The following MTR variants were observed in gnomAD, a reference collection of about 807,000 sequenced individuals.
The protein encoded by MTR is methionine synthase.
In MTR, 84 loss-of-function variants were observed where a neutral mutation model predicts 154.8. The observed-to-expected ratio is 0.54, with a 90% CI of 0.45 to 0.65. The LOEUF is 0.65. Among genes scored for constraint, MTR ranks in the 30% least tolerant of loss-of-function variants. MTR has a pLI of 0.00. For missense variants in MTR, 1,275 were observed against 1,570.2 expected, an observed-to-expected ratio of 0.81 and a Z score of 3.18; for synonymous variants, 554 against 553.9, an observed-to-expected ratio of 1.00 and a Z score of 0.00.
rs201015844 is a variant in MTR at position 236,889,282 on chromosome 1, C to T, written c.2953C>T (p.Arg985Trp). The change falls in exon 28 of 33, where the codon CGG becomes TGG. Residue 985 changes from arginine (R) to tryptophan (W), a missense_variant. By Grantham distance (101) the Arg-to-Trp change is moderately radical (BLOSUM62 -3). Coordinates refer to ENST00000366577, the MANE Select transcript of MTR (RefSeq NM_000254.3). ...GCCTTTCTTTGATGTCTGGCAGCTCCGGGGCAAGTACCCGAATCGAGGCTT... is the reference window on the plus strand; with the variant it reads ...GCCTTTCTTTGATGTCTGGCAGCTCTGGGGCAAGTACCCGAATCGAGGCTT... ...WKPFFDVWQL[R>W]GKYPNRGFPK... 67 of 1,614,070 alleles carry T rather than the reference C, an allele frequency of 4.2e-5. No individual in the cohort carries two copies. The highest frequency in any genetic ancestry group is 1.6e-4 in the Middle Eastern group (1 of 6,084).
intron 15 of MTR, among the ~76,000 whole-genome samples, chr1:236,844,587 A>G (rs1663462173): frequency 6.6e-6 from 1 of 152,040 alleles, no homozygotes; most frequent in African/African-American, 2.4e-5. Flanking sequence ...GATAAAGGAT[A>G]CATTTGCCAG....
intron 22 of MTR, among the ~76,000 whole-genome samples, chr1:236,871,576 A>G (rs1311094653): frequency 6.6e-6 from 1 of 152,032 alleles, no homozygotes; most frequent in Admixed American, 6.6e-5. Flanking sequence ...GCAGTATGCT[A>G]TTTTTCCTAG....
At chr1:236,819,541 C>T in intron 8 of MTR, 1 of 341,960 alleles carries the variant, frequency 2.9e-6, no homozygotes, top group Non-Finnish European at 5.6e-6. Flanking sequence ...GTAGCAATTA[C>T]AAATAAATCT....
intron 32 of MTR, among the ~76,000 whole-genome samples, 192 bp downstream of exon 32, chr1:236,897,310 G>GCGCGCACACACACA: frequency 7.8e-6 from 1 of 128,610 alleles, no homozygotes. Flanking sequence ...CCACACACAC[G>GCGCGCACACACACA]CACACACACA....
intron 31 of MTR, among the ~76,000 whole-genome samples, chr1:236,896,420 G>T (rs1190455675): frequency 6.6e-6 from 1 of 152,216 alleles, no homozygotes. Context: ...TCCTGTTTCT[G>T]CCATAAGCTA....
intron 13 of MTR, among the ~76,000 whole-genome samples, chr1:236,833,998 G>C (rs1460842136): frequency 6.6e-6 from 1 of 152,080 alleles, no homozygotes; most frequent in Non-Finnish European, 1.5e-5. Context: ...AGGTCATCTT[G>C]GCATTTGACC....
In MTR at chr1:236,903,607, A is replaced by G. The variant is rs530436974; in HGVS notation, c.*5963A>G. On this transcript the variant is annotated 3_prime_UTR_variant, in exon 33 of 33. Coordinates refer to ENST00000366577, the MANE Select transcript of MTR (RefSeq NM_000254.3). ...TGAGAACCTTGAGAGTGTATATTCTATGAAATGGAAGAAACAAGAACTAGA... is the reference window on the plus strand; with the variant it reads ...TGAGAACCTTGAGAGTGTATATTCTGTGAAATGGAAGAAACAAGAACTAGA... The G allele has an allele frequency of 6.6e-6, 1 of 152,234 alleles. No individual in the cohort carries two copies. Among genetic ancestry groups the G allele is most frequent in the South Asian group, 2.1e-4 (1 of 4,834 alleles). The allele number at this position is 152,234 out of a possible 1,614,324, so 9.4% of individuals were successfully genotyped here.
chr1:236,886,177 A>C, intron 26 of MTR, 115 bp from the exon 27 acceptor site: 1 of 827,788 alleles, frequency 1.2e-6, no homozygotes, highest in East Asian at 2.6e-5. Context: ...CATTCTCATG[A>C]ATAAGAGCAT....
rs41530146 is a variant in MTR, at chr1:236,896,996, C to G, written c.3599-10C>G. 2.5e-6 allele frequency: 4 copies of G among 1,601,636 alleles called. No individual in the cohort carries two copies. In the Admixed American group the frequency reaches 6.7e-5, roughly 27 times the overall value. ...GTCCATAAGCATTTTCCCTGTGTTG[C>G]TCCCTCTAGGCATTAGGTTAACAGA... On this transcript the variant is annotated splice_polypyrimidine_tract_variant and intron_variant, in intron 31 of 32. Coordinates refer to ENST00000366577, the MANE Select transcript of MTR (RefSeq NM_000254.3).
intron 20 of MTR, 142 bp from the exon 21 acceptor site, chr1:236,862,094 C>G (rs934826363): frequency 2.7e-6 from 2 of 754,548 alleles, no homozygotes; most frequent in African/African-American, 3.4e-5. Context: ...ATCCTTTGTT[C>G]TGCCTACTGT....
At chr1:236,851,035 T>C (rs1032889693) in intron 16 of MTR, among the ~76,000 whole-genome samples, 1 of 152,246 alleles carries the variant, frequency 6.6e-6, no homozygotes, top group Non-Finnish European at 1.5e-5. Flanking sequence ...CTTTTCTTCA[T>C]AAATTTATTG....
rs6676866 is a variant in MTR, at chr1:236,901,326, T to G, written c.*3682T>G. On this transcript the variant is annotated 3_prime_UTR_variant, in exon 33 of 33. Coordinates refer to ENST00000366577, the MANE Select transcript of MTR (RefSeq NM_000254.3). ...TGGGAGGTGTGGAAGACTTGTTGAC[T>G]CATTTAAAGAAGATTGGAGGGAAAG... 0.56 allele frequency: 85,524 copies of G among 151,946 alleles called. 24,451 individuals carry two copies. The highest frequency in any genetic ancestry group is 0.61 in the South Asian group (2,938 of 4,818). 9.4% of individuals were successfully genotyped at this position (151,946 alleles called of 1,614,324 possible). A position where few individuals can be genotyped will look rare whatever the true frequency, so the allele number is the denominator to read the frequency against.
At position 236,835,448 on chromosome 1, in the gene MTR, A is replaced by G. The variant is rs192805088; in HGVS notation, c.1189-99A>G. On this transcript the variant is annotated intron_variant, in intron 13 of 32. Coordinates refer to ENST00000366577, the MANE Select transcript of MTR (RefSeq NM_000254.3). ...GGGAGTCTGGCGAGGTAGTCTGTGT[A>G]ATTTGAAGGATTGCTGGGAAGGGTA... 1.7e-4 allele frequency: 253 copies of G among 1,463,752 alleles called. 3 individuals carry two copies. The Admixed American group carries it at 3.4e-3, about 20-fold the overall frequency. 90.7% of individuals were successfully genotyped at this position (1,463,752 alleles called of 1,614,324 possible).
chr1:236,832,273 A>G (rs1662656947), intron 13 of MTR, among the ~76,000 whole-genome samples, 195 bp downstream of exon 13: 1 of 152,228 alleles, frequency 6.6e-6, no homozygotes, highest in South Asian at 2.1e-4. Flanking sequence ...TGCTGTTGTC[A>G]ATATTTGTTA....
rs529078268 is a variant in MTR, at chr1:236,814,407, G to A, written c.610-1197G>A. Reference sequence around the variant, plus strand: ...GATTAACAGGAGGGTTAAGCATTAAGGATAGGTTTTGTTGAGTTTCTAAGT... The same window carrying A: ...GATTAACAGGAGGGTTAAGCATTAAAGATAGGTTTTGTTGAGTTTCTAAGT... On this transcript the variant is annotated intron_variant, in intron 6 of 32. Coordinates refer to ENST00000366577, the MANE Select transcript of MTR (RefSeq NM_000254.3). 9.9e-5 allele frequency among the ~76,000 whole-genome samples: 15 copies of A among 152,268 alleles called. 1 individual carries two copies. The South Asian group carries it at 2.9e-3, about 30-fold the overall frequency.
chr1:236,871,484 G>A (rs4659736), intron 22 of MTR, among the ~76,000 whole-genome samples: 5 of 151,402 alleles, frequency 3.3e-5, no homozygotes, highest in Admixed American at 6.6e-5. Flanking sequence ...ATACTGATGC[G>A]TTTTAGTTGA....
chr1:236,844,914 A>G (rs922504396), intron 15 of MTR, among the ~76,000 whole-genome samples: 1 of 152,136 alleles, frequency 6.6e-6, no homozygotes, highest in Middle Eastern at 3.2e-3. Flanking sequence ...GAAAAATCGT[A>G]CACACTCCTG....
At chr1:236,827,479 G>C (rs1164782730) in intron 11 of MTR, among the ~76,000 whole-genome samples, 1 of 151,342 alleles carries the variant, frequency 6.6e-6, no homozygotes, top group Non-Finnish European at 1.5e-5. Flanking sequence ...TTTTCCCCCT[G>C]GATTATGTAA....
chr1:236,806,463 ATACT>A (rs1465924200), intron 3 of MTR, among the ~76,000 whole-genome samples: 1 of 152,216 alleles, frequency 6.6e-6, no homozygotes. Flanking sequence ...AATATAAATG[ATACT>A]TAATTATGCA....
Sources: allele counts gnomAD v4.1 joint callset (sites outside exome capture counted in the v4.1 genomes callset), GRCh38; gene constraint gnomAD v4.1.1; transcripts MANE v1.5; gene names NCBI Gene and HGNC (gene_info 2026-07-23, HGNC 2026-07-21).